Variants in KCNMA1 observed in about 807,000 individuals in gnomAD.
KCNMA1 encodes the protein potassium calcium-activated channel subfamily M alpha 1, also known as Calcium-activated potassium channel subunit alpha-1.
KCNMA1 carries 29 observed loss-of-function variants against 140.0 expected under a neutral mutation model. That is an observed-to-expected ratio of 0.21 (90% CI 0.15 to 0.28). The LOEUF is 0.28. Among genes scored for constraint, KCNMA1 ranks in the 10% least tolerant of loss-of-function variants. The probability of loss-of-function intolerance (pLI) is 1.00; values close to 1 mark genes in which losing one functional copy is unlikely to be tolerated. For synonymous variants in KCNMA1, 612 were observed against 611.9 expected, an observed-to-expected ratio of 1.00 and a Z score of 0.00; for missense variants, 880 against 1,602.2, an observed-to-expected ratio of 0.55 and a Z score of 7.70.
chr10:77,366,292 T>C (rs929804315), intron 2 of KCNMA1, among the ~76,000 whole-genome samples: 21 of 152,004 alleles, frequency 1.4e-4, no homozygotes, highest in African/African-American at 4.8e-4. Context: ...TCTCAGCCCC[T>C]GGAGTAGTTG....
At chr10:77,490,069 G>A (rs560372826) in intron 1 of KCNMA1, among the ~76,000 whole-genome samples, 28 of 152,282 alleles carry the variant, frequency 1.8e-4, no homozygotes, top group African/African-American at 6.5e-4. Context: ...TGGCCGCTAC[G>A]CACCGGATGC....
At chr10:77,430,615 T>C (rs900629456) in intron 1 of KCNMA1, among the ~76,000 whole-genome samples, 6 of 152,186 alleles carry the variant, frequency 3.9e-5, no homozygotes, top group African/African-American at 1.4e-4. Context: ...AGCATTTCTG[T>C]TCCCCAGGAG....
chr10:77,286,290 C>G (rs1373936849), intron 2 of KCNMA1, among the ~76,000 whole-genome samples: 1 of 152,176 alleles, frequency 6.6e-6, no homozygotes, highest in African/African-American at 2.4e-5. Flanking sequence ...GTCACCCCAA[C>G]AAAGACTCAG....
chr10:77,421,586 C>T (rs752588502), intron 1 of KCNMA1, among the ~76,000 whole-genome samples: 37 of 152,186 alleles, frequency 2.4e-4, no homozygotes, highest in African/African-American at 8.4e-4. Context: ...TGTATTCCAG[C>T]GGAATTTTAT....
At chr10:77,021,653 T>C (rs2092869720) in intron 16 of KCNMA1, among the ~76,000 whole-genome samples, 1 of 152,220 alleles carries the variant, frequency 6.6e-6, no homozygotes, top group Admixed American at 6.5e-5. Context: ...TATGGCTGAT[T>C]GTGTAAGGAA....
chr10:77,346,898 C>A (rs550739118), intron 2 of KCNMA1, among the ~76,000 whole-genome samples: 6 of 152,330 alleles, frequency 3.9e-5, no homozygotes, highest in South Asian at 2.1e-4. Context: ...GATTAAAATG[C>A]CCATTGCCCG....
Position 76,949,177 on chromosome 10 carries a change from T to C in KCNMA1, c.2674A>G (p.Thr892Ala). Residue 892 changes from threonine (T) to alanine (A), a missense_variant, in exon 22 of 28, where the codon ACG becomes GCG. This residue lies in a region of KCNMA1 where 82 missense variants were observed against 170.1 expected (regional missense o/e 0.48). Transcript: ENST00000286628. ...SIEYLKREWE[T>A]LHNFPKVSIL... Reference sequence around the variant, plus strand: ...GACACTTTGGGGAAGTTATGAAGCGTCTCCCATTCCCGCTTGAGGTACTCA... The same window carrying C: ...GACACTTTGGGGAAGTTATGAAGCGCCTCCCATTCCCGCTTGAGGTACTCA... 6.2e-7 allele frequency: 1 copy of C among 1,614,072 alleles called. No homozygotes were observed.
intron 1 of KCNMA1, among the ~76,000 whole-genome samples, chr10:77,582,229 G>T (rs1666651470): frequency 1.3e-5 from 2 of 152,228 alleles, no homozygotes; most frequent in Admixed American, 1.3e-4. Flanking sequence ...TTGAATCCTA[G>T]CTCTGATGCT....
chr10:77,395,032 C>G (rs2095991503), intron 2 of KCNMA1, among the ~76,000 whole-genome samples: 1 of 152,150 alleles, frequency 6.6e-6, no homozygotes, highest in East Asian at 1.9e-4. Flanking sequence ...TCACAAAATA[C>G]ACTTATTTTG....
intron 23 of KCNMA1, among the ~76,000 whole-genome samples, chr10:76,942,739 T>C (rs1297306028): frequency 6.6e-6 from 1 of 152,170 alleles, no homozygotes; most frequent in Non-Finnish European, 1.5e-5. Context: ...TGATCGAGTT[T>C]GGAGGAAACA....
At chr10:76,986,044 A>G (rs1328051940) in intron 19 of KCNMA1, among the ~76,000 whole-genome samples, 1 of 152,200 alleles carries the variant, frequency 6.6e-6, no homozygotes, top group African/African-American at 2.4e-5. Flanking sequence ...GACAGTTCCT[A>G]TGTTGCCCTG....
At chr10:77,427,007 C>T (rs1164167899) in intron 1 of KCNMA1, among the ~76,000 whole-genome samples, 2 of 152,216 alleles carry the variant, frequency 1.3e-5, no homozygotes, top group Non-Finnish European at 2.9e-5. Flanking sequence ...TATTTTTTAA[C>T]ATTGATTACA....
intron 2 of KCNMA1, among the ~76,000 whole-genome samples, chr10:77,300,161 C>T (rs561996913): frequency 4.6e-5 from 7 of 152,332 alleles, no homozygotes; most frequent in East Asian, 1.9e-4. Flanking sequence ...GTGGACAGGA[C>T]GCCCCTGCAC....
intron 7 of KCNMA1, among the ~76,000 whole-genome samples, chr10:77,112,120 C>CCA (rs2097340183): frequency 6.6e-6 from 1 of 152,078 alleles, no homozygotes; most frequent in South Asian, 2.1e-4. Context: ...ACCAAAGCCC[C>CCA]CATGACAATA....
intron 1 of KCNMA1, among the ~76,000 whole-genome samples, chr10:77,516,618 G>A (rs552897668): frequency 6.6e-6 from 1 of 152,244 alleles, no homozygotes; most frequent in African/African-American, 2.4e-5. Context: ...TGCTGCAAAG[G>A]CCTCTGAGCC....
chr10:76,930,936 G>T (rs2059120384), intron 23 of KCNMA1, among the ~76,000 whole-genome samples: 1 of 152,148 alleles, frequency 6.6e-6, no homozygotes, highest in Non-Finnish European at 1.5e-5. Flanking sequence ...AATCTAAAAA[G>T]TTGAACTCAT....
chr10:77,370,283 A>G (rs2094604122), intron 2 of KCNMA1, among the ~76,000 whole-genome samples: 1 of 152,144 alleles, frequency 6.6e-6, no homozygotes, highest in African/African-American at 2.4e-5. Context: ...CAGAGAGGAT[A>G]AAAGGGGAGA....
At chr10:77,618,429 G>A (rs1239610420) in intron 1 of KCNMA1, among the ~76,000 whole-genome samples, 1 of 152,166 alleles carries the variant, frequency 6.6e-6, no homozygotes, top group African/African-American at 2.4e-5. Flanking sequence ...ATATGGTCCA[G>A]GAGAGAAACC....
chr10:77,253,861 C>T (rs991324159), intron 2 of KCNMA1, among the ~76,000 whole-genome samples: 1 of 152,154 alleles, frequency 6.6e-6, no homozygotes, highest in African/African-American at 2.4e-5. Context: ...TTGCTAAATG[C>T]CTCTTTATCG....
Sources: gnomAD v4.1 joint callset for allele counts (sites outside exome capture counted in the v4.1 genomes callset) on GRCh38, gnomAD v4.1.1 for gene constraint, gnomAD v4.1.1 regional missense constraint, MANE v1.5 for transcripts, NCBI Gene and HGNC (gene_info 2026-07-23, HGNC 2026-07-21) for gene names.